DOK6: variants seen among roughly 807,000 people sequenced by gnomAD.
The protein encoded by DOK6 is docking protein 6.
Under a neutral mutation model 44.0 loss-of-function variants are expected in DOK6, and 22 were observed. The observed-to-expected ratio is 0.50, with a 90% confidence interval of 0.36 to 0.71. The LOEUF (loss-of-function observed/expected upper bound fraction) is 0.71, where lower values mean the gene tolerates loss of function less well. Among genes scored for constraint, DOK6 ranks in the 30% least tolerant of loss-of-function variants. The pLI is 0.00. For synonymous variants in DOK6, 166 were observed against 145.5 expected, an observed-to-expected ratio of 1.14 and a Z score of -1.01; for missense variants, 340 against 416.4, an observed-to-expected ratio of 0.82 and a Z score of 1.60.
intron 2 of DOK6, among the ~76,000 whole-genome samples, chr18:69,582,241 G>A (rs1983387315): frequency 1.3e-5 from 2 of 152,186 alleles, no homozygotes; most frequent in Non-Finnish European, 2.9e-5. Context: ...AAAACAGAAG[G>A]TAGACCTAAT....
rs80013118 is a variant in DOK6 at position 69,527,797 on chromosome 18, T to C, written c.67-36690T>C. ...AAAACCACTGGTTTTGATTGCTTTT[T>C]ATAGCTAAATAACAGTCACTGTTGG... is the stretch of plus-strand genomic sequence containing the variant. On this transcript the variant is annotated intron_variant, in intron 1 of 7. Coordinates refer to ENST00000382713, the MANE Select transcript of DOK6 (RefSeq NM_152721.6). Among the ~76,000 whole-genome samples, 852 of 152,288 alleles carry C rather than the reference T, an allele frequency of 5.6e-3. 6 individuals are homozygous for C. Among genetic ancestry groups the C allele is most frequent in the African/African-American group, 0.019 (810 of 41,554 alleles).
intron 3 of DOK6, among the ~76,000 whole-genome samples, chr18:69,615,944 G>A (rs914801912): frequency 5.9e-5 from 9 of 152,256 alleles, no homozygotes; most frequent in Non-Finnish European, 1.2e-4. Flanking sequence ...TTCTAAAAGA[G>A]GTGCTTGTAT....
At chr18:69,619,040 G>A (rs1984378082) in intron 3 of DOK6, among the ~76,000 whole-genome samples, 1 of 152,000 alleles carries the variant, frequency 6.6e-6, no homozygotes, top group African/African-American at 2.4e-5. Flanking sequence ...TAAATGCATA[G>A]TTCCACTTAC....
chr18:69,401,201 C>T lies in DOK6; in HGVS notation c.-44C>T, dbSNP rs762142661. 20 of 1,528,494 alleles carry T rather than the reference C, an allele frequency of 1.3e-5. No homozygotes were observed. The South Asian group carries it at 2.3e-4, about 18-fold the overall frequency. The allele number at this position is 1,528,494 out of a possible 1,614,324, so 94.7% of individuals were successfully genotyped here. The stretch of plus-strand genomic sequence containing the variant: ...CGGCGGCGGACGGCGGCTCTCGACT[C>T]CGGAGAGCGGATCGCGGGGCGCAGG... On this transcript the variant is annotated 5_prime_UTR_variant, in exon 1 of 8. Coordinates refer to ENST00000382713, the MANE Select transcript of DOK6 (RefSeq NM_152721.6).
At chr18:69,704,538 G>A (rs1309867275) in intron 5 of DOK6, among the ~76,000 whole-genome samples, 6 of 145,656 alleles carry the variant, frequency 4.1e-5, no homozygotes, top group Non-Finnish European at 8.9e-5. Flanking sequence ...GAGTGCAGTG[G>A]CGCAATCTCG....
intron 2 of DOK6, among the ~76,000 whole-genome samples, chr18:69,590,758 A>G (rs1983603566): frequency 6.6e-6 from 1 of 152,194 alleles, no homozygotes; most frequent in Non-Finnish European, 1.5e-5. Context: ...TGATGGGAAC[A>G]TAATGAAAAT....
intron 1 of DOK6, among the ~76,000 whole-genome samples, chr18:69,490,360 T>C (rs1208337036): frequency 6.6e-6 from 1 of 152,086 alleles, no homozygotes; most frequent in Non-Finnish European, 1.5e-5. Flanking sequence ...AAATTTGAAT[T>C]GTTATATAAA....
intron 1 of DOK6, among the ~76,000 whole-genome samples, chr18:69,501,051 G>A (rs770845414): frequency 2.0e-5 from 3 of 152,040 alleles, no homozygotes; most frequent in Admixed American, 6.6e-5. Context: ...TCTAGAAAAT[G>A]GGGTACTGAA....
At chr18:69,443,044 T>C (rs1228202110) in intron 1 of DOK6, among the ~76,000 whole-genome samples, 2 of 152,242 alleles carry the variant, frequency 1.3e-5, no homozygotes, top group Non-Finnish European at 2.9e-5. Context: ...ACTCATTTTT[T>C]TTCATTTGGT....
intron 2 of DOK6, among the ~76,000 whole-genome samples, chr18:69,574,327 G>C (rs551979541): frequency 6.6e-6 from 1 of 151,978 alleles, no homozygotes; most frequent in South Asian, 2.1e-4. Flanking sequence ...AACACTAAGA[G>C]TTATTATCAT....
At position 69,508,847 on chromosome 18, in the gene DOK6, G is replaced by A. The variant is rs115662524; in HGVS notation, c.67-55640G>A. ...GTTAGGAAGAAAGAAATGAGAATGAGTGATATAGACAGAGTCTGATGGAAA... is the reference window on the plus strand; with the variant it reads ...GTTAGGAAGAAAGAAATGAGAATGAATGATATAGACAGAGTCTGATGGAAA... On this transcript the variant is annotated intron_variant, in intron 1 of 7. Coordinates refer to ENST00000382713, the MANE Select transcript of DOK6 (RefSeq NM_152721.6). Among the ~76,000 whole-genome samples the A allele has an allele frequency of 5.5e-3, 845 of 152,326 alleles. 8 individuals are homozygous for A. The highest frequency in any genetic ancestry group is 0.019 in the African/African-American group (807 of 41,562).
intron 5 of DOK6, among the ~76,000 whole-genome samples, chr18:69,732,413 A>G (rs959456345): frequency 1.3e-5 from 2 of 152,192 alleles, no homozygotes; most frequent in Non-Finnish European, 2.9e-5. Flanking sequence ...AGGTAATGCA[A>G]GTCTTATGAC....
intron 3 of DOK6, among the ~76,000 whole-genome samples, chr18:69,668,456 A>G (rs1356514071): frequency 6.6e-6 from 1 of 151,878 alleles, no homozygotes; most frequent in Admixed American, 6.6e-5. Flanking sequence ...TTCTTAGTTT[A>G]TGAATTTTTG....
At chr18:69,764,837 T>C (rs2144761063) in intron 7 of DOK6, among the ~76,000 whole-genome samples, 1 of 152,306 alleles carries the variant, frequency 6.6e-6, no homozygotes, top group South Asian at 2.1e-4. Flanking sequence ...GTAAAGGTCG[T>C]AGCTTTAGGA....
intron 7 of DOK6, among the ~76,000 whole-genome samples, chr18:69,782,629 T>A (rs1980311576): frequency 2.6e-5 from 4 of 151,886 alleles, no homozygotes; most frequent in Admixed American, 2.6e-4. Context: ...ACAGGTGCAG[T>A]GGCTCACACC....
At chr18:69,567,845 C>T (rs1983021762) in intron 2 of DOK6, among the ~76,000 whole-genome samples, 1 of 152,232 alleles carries the variant, frequency 6.6e-6, no homozygotes, top group African/African-American at 2.4e-5. Context: ...AGCTCTCTCA[C>T]ACTGTCTGTC....
intron 2 of DOK6, among the ~76,000 whole-genome samples, chr18:69,577,916 G>A (rs189751871): frequency 2.6e-5 from 4 of 152,158 alleles, no homozygotes; most frequent in East Asian, 1.9e-4. Context: ...TAATAATGCC[G>A]TGGAAAGCAG....
intron 3 of DOK6, among the ~76,000 whole-genome samples, chr18:69,656,599 A>C (rs1280844015): frequency 2.0e-5 from 3 of 152,222 alleles, no homozygotes; most frequent in Non-Finnish European, 4.4e-5. Flanking sequence ...AAAGTTGCTA[A>C]ATTTAAAGTA....
intron 3 of DOK6, among the ~76,000 whole-genome samples, chr18:69,670,877 G>T (rs1985781709): frequency 6.6e-6 from 1 of 152,044 alleles, no homozygotes; most frequent in African/African-American, 2.4e-5. Flanking sequence ...TCACAGAAAT[G>T]CATTCATTCT....
Sources: gnomAD v4.1 joint callset for allele counts (sites outside exome capture counted in the v4.1 genomes callset) on GRCh38, gnomAD v4.1.1 for gene constraint, MANE v1.5 for transcripts, NCBI Gene and HGNC (gene_info 2026-07-23, HGNC 2026-07-21) for gene names.